Variants in DDX60L observed in about 807,000 individuals in gnomAD.
DDX60L encodes DExD/H-box 60 like.
In DDX60L, 191 loss-of-function variants were observed where a neutral mutation model predicts 211.6. The observed-to-expected ratio is 0.90, with a 90% confidence interval of 0.80 to 1.02. DDX60L has a LOEUF of 1.02. Ranked by LOEUF, DDX60L falls within the 50% of genes least tolerant of loss-of-function variation. The pLI is 0.00. For synonymous variants in DDX60L, 706 were observed against 694.1 expected (o/e 1.02, Z -0.27); for missense variants, 2,007 against 1,984.1 (o/e 1.01, Z -0.22).
chr4:168,415,738 T>C lies in DDX60L; in HGVS notation c.2788A>G (p.Ile930Val), dbSNP rs568401633. The C allele has an allele frequency of 1.8e-5, 28 of 1,597,104 alleles. 1 individual carries two copies. The highest frequency in any genetic ancestry group is 2.7e-5 in the African/African-American group (2 of 74,612). The change falls in exon 21 of 38, where the codon ATT becomes GTT. Residue 930 changes from isoleucine (I) to valine (V), a missense_variant. Transcript: ENST00000682922. ...CATTTGTCAGCCTGTTTTTCAGAAA[T>C]ACATTTCTCTTCCATAATCTTGTCT... ...QADKIMEEKC[I>V]SEKQADKCLN...
intron 1 of DDX60L, chr4:168,475,874 C>T (rs935456567): frequency 1.3e-5 from 2 of 151,750 alleles, no homozygotes; most frequent in African/African-American, 4.8e-5. Flanking sequence ...AGAGCTCATA[C>T]TCTCTCCCTT....
chr4:168,407,139 G>A (rs1027897461), intron 22 of DDX60L, among the ~76,000 whole-genome samples: 4 of 152,124 alleles, frequency 2.6e-5, no homozygotes, highest in Non-Finnish European at 5.9e-5. Context: ...TGATGAAGAT[G>A]ATTTTATGGG....
rs1391211918 is a variant in DDX60L, at chr4:168,441,205, CAATT to C, written c.1294+128_1294+131del. The C allele has an allele frequency of 9.5e-6, 8 of 845,202 alleles. No individual in the cohort carries two copies. The South Asian group carries it at 1.3e-4, about 14-fold the overall frequency. 52.4% of individuals were successfully genotyped at this position (845,202 alleles called of 1,614,324 possible). On this transcript the variant is annotated intron_variant, in intron 10 of 37. Coordinates refer to ENST00000682922, the MANE Select transcript of DDX60L (RefSeq NM_001012967.3). ...ACATTATTATATGTATTTTAAACCT[CAATT>C]AAGAGGTAAACAAGAAAGCACAGTG...
chr4:168,413,267 G>T (rs12499156), intron 22 of DDX60L, among the ~76,000 whole-genome samples: 83,715 of 151,792 alleles, frequency 0.55, 23,552 homozygotes, highest in Middle Eastern at 0.63. Context: ...TAGCTGTTTT[G>T]AGGAAACTCA....
rs746836175 is a variant in DDX60L, at chr4:168,373,816, T to C, written c.4634-8A>G. On this transcript the variant is annotated splice_region_variant and splice_polypyrimidine_tract_variant and intron_variant, in intron 34 of 37. Transcript: ENST00000682922. Reference sequence around the variant, plus strand: ...ATTCTTTACCTGTGAATTCTGACCATTTTGGACTAGGTCACGTTAGGTTTT... The same window carrying C: ...ATTCTTTACCTGTGAATTCTGACCACTTTGGACTAGGTCACGTTAGGTTTT... 9.3e-6 allele frequency: 15 copies of C among 1,612,222 alleles called. No individual in the cohort carries two copies. Among genetic ancestry groups the C allele is most frequent in the South Asian group, 4.4e-5 (4 of 90,816 alleles).
chr4:168,384,398 G>A (rs1222082087), intron 30 of DDX60L, among the ~76,000 whole-genome samples: 2 of 152,092 alleles, frequency 1.3e-5, no homozygotes, highest in African/African-American at 2.4e-5. Flanking sequence ...GAGATGGGAA[G>A]ATCACTTGAG....
chr4:168,363,695 G>C (rs779371495), intron 36 of DDX60L, among the ~76,000 whole-genome samples: 4 of 152,020 alleles, frequency 2.6e-5, no homozygotes, highest in Non-Finnish European at 4.4e-5. Flanking sequence ...AAAGAACTTA[G>C]AGCAGGCACA....
At chr4:168,411,445 T>C (rs1399762001) in intron 22 of DDX60L, among the ~76,000 whole-genome samples, 6 of 152,236 alleles carry the variant, frequency 3.9e-5, no homozygotes, top group Non-Finnish European at 8.8e-5. Context: ...GGACTTTGCA[T>C]TAGAATTCAG....
intron 22 of DDX60L, among the ~76,000 whole-genome samples, chr4:168,408,437 T>A (rs1316981518): frequency 6.6e-6 from 1 of 152,202 alleles, no homozygotes; most frequent in African/African-American, 2.4e-5. Context: ...AAAGGATATA[T>A]TCAATTCAAT....
In DDX60L at chr4:168,435,750, AT is replaced by A. The variant is rs558892252; in HGVS notation, c.1295-2636del. Among the ~76,000 whole-genome samples the A allele has an allele frequency of 3.4e-3, 510 of 152,050 alleles. 5 individuals carry two copies. The highest frequency in any genetic ancestry group is 3.6e-3 in the Non-Finnish European group (246 of 67,980). ...GCCCCCAGGGAATTTTCCGGAAGAA[AT>A]TTTTTTCTTCCACAAAGTATCTCAC... On this transcript the variant is annotated intron_variant, in intron 10 of 37. Transcript: ENST00000682922.
intron 10 of DDX60L, among the ~76,000 whole-genome samples, chr4:168,433,654 T>C (rs560511520): frequency 2.2e-4 from 33 of 152,298 alleles, no homozygotes; most frequent in Admixed American, 1.8e-3. Flanking sequence ...TTTAGCTGTG[T>C]TCAAAACTGT....
chr4:168,381,727 C>A (rs552978791), intron 30 of DDX60L, among the ~76,000 whole-genome samples: 12 of 152,116 alleles, frequency 7.9e-5, no homozygotes, highest in African/African-American at 2.4e-4. Flanking sequence ...TATATCTCCA[C>A]AACAGTAGAT....
chr4:168,445,085 C>G (rs1186087152), intron 9 of DDX60L, among the ~76,000 whole-genome samples: 1 of 120,414 alleles, frequency 8.3e-6, no homozygotes. Flanking sequence ...TTAATGAATC[C>G]AGGAGCTGGT....
At chr4:168,391,018 A>T (rs1024201329) in intron 29 of DDX60L, among the ~76,000 whole-genome samples, 1 of 152,164 alleles carries the variant, frequency 6.6e-6, no homozygotes, top group East Asian at 1.9e-4. Flanking sequence ...AAAGGCTTGG[A>T]ATTTGGAAAA....
intron 1 of DDX60L, among the ~76,000 whole-genome samples, chr4:168,475,724 A>G (rs1759388722): frequency 6.6e-6 from 1 of 152,064 alleles, no homozygotes; most frequent in Non-Finnish European, 1.5e-5. Flanking sequence ...GTCCCCCCAA[A>G]ATTCATATTT....
At chr4:168,442,295 C>T (rs1281473411) in intron 9 of DDX60L, among the ~76,000 whole-genome samples, 2 of 152,136 alleles carry the variant, frequency 1.3e-5, no homozygotes, top group South Asian at 2.1e-4. Flanking sequence ...ACTTTTGCGA[C>T]GGGCTTAAAA....
At chr4:168,371,851 TC>T (rs1741088481) in intron 35 of DDX60L, 88 bp from the exon 36 acceptor site, 1 of 1,270,876 alleles carries the variant, frequency 7.9e-7, no homozygotes, top group Non-Finnish European at 1.1e-6. Context: ...TGAATCTGTT[TC>T]TTAAAGTACG....
At chr4:168,422,399 G>T in intron 16 of DDX60L, 125 bp downstream of exon 16, 1 of 870,836 alleles carries the variant, frequency 1.1e-6, no homozygotes, top group Non-Finnish European at 1.7e-6. Flanking sequence ...CATTCTCCAG[G>T]CACAGTAGAG....
intron 3 of DDX60L, among the ~76,000 whole-genome samples, 164 bp from the exon 4 acceptor site, chr4:168,472,100 G>A (rs1022017452): frequency 1.3e-5 from 2 of 152,156 alleles, no homozygotes; most frequent in Non-Finnish European, 2.9e-5. Context: ...TTATAAGAAG[G>A]AGATAGCACA....
Sources: allele counts gnomAD v4.1 joint callset (sites outside exome capture counted in the v4.1 genomes callset), GRCh38; gene constraint gnomAD v4.1.1; transcripts MANE v1.5; gene names NCBI Gene and HGNC (gene_info 2026-07-23, HGNC 2026-07-21).